Variants in TBC1D12 observed in about 807,000 individuals in gnomAD.
TBC1D12 encodes TBC1 domain family, member 12.
Under a neutral mutation model 86.7 loss-of-function variants are expected in TBC1D12, and 56 were observed. The ratio of observed to expected loss-of-function variants is 0.65; its 90% CI spans 0.52 to 0.81. The LOEUF (loss-of-function observed/expected upper bound fraction) is 0.81. Ranked by LOEUF, TBC1D12 falls within the 30% of genes least tolerant of loss-of-function variation. TBC1D12 has a pLI of 0.00. For missense variants in TBC1D12, 1,023 were observed against 1,038.8 expected, an observed-to-expected ratio of 0.98 and a Z score of 0.21; for synonymous variants, 421 against 411.7, an observed-to-expected ratio of 1.02 and a Z score of -0.27.
chr10:94,467,172 A>G (rs539559610), intron 2 of TBC1D12, among the ~76,000 whole-genome samples: 2 of 152,218 alleles, frequency 1.3e-5, no homozygotes, highest in East Asian at 3.9e-4. Flanking sequence ...TCAGTTTAGA[A>G]CTCAAATAAT....
chr10:94,532,029 C>G (rs575386456), intron 12 of TBC1D12, among the ~76,000 whole-genome samples: 1 of 150,582 alleles, frequency 6.6e-6, no homozygotes, highest in South Asian at 2.1e-4. Context: ...TACAGGTGCC[C>G]GCCACCACGC....
Position 94,503,580 on chromosome 10 carries a change from C to T in TBC1D12, c.1519+3253C>T, listed in dbSNP as rs1485396929. On this transcript the variant is annotated intron_variant, in intron 6 of 12. Transcript: ENST00000225235. ...ATGTATGATTTTAAAATTTGATTTT[C>T]ACAAGTCTCCTGTAATAAACATATT... 2.6e-5 allele frequency among the ~76,000 whole-genome samples: 4 copies of T among 152,102 alleles called. No homozygotes were observed. In the South Asian group the frequency reaches 8.3e-4, roughly 31 times the overall value.
chr10:94,527,823 GA>G (rs1842334302), intron 11 of TBC1D12, among the ~76,000 whole-genome samples: 1 of 152,100 alleles, frequency 6.6e-6, no homozygotes, highest in Admixed American at 6.6e-5. Context: ...ATTTATTGAA[GA>G]GACTGTCCTT....
At chr10:94,500,780 G>A (rs753264628) in intron 6 of TBC1D12, among the ~76,000 whole-genome samples, 1 of 152,088 alleles carries the variant, frequency 6.6e-6, no homozygotes, top group Admixed American at 6.5e-5. Flanking sequence ...TTTAGGCCGG[G>A]CGCAGTGGCT....
intron 2 of TBC1D12, among the ~76,000 whole-genome samples, chr10:94,471,011 C>T (rs1470856582): frequency 2.6e-5 from 4 of 152,136 alleles, no homozygotes. Flanking sequence ...TGCAGTGGCT[C>T]ATGCCTGCAG....
chr10:94,418,456 A>G (rs571528773), intron 1 of TBC1D12, among the ~76,000 whole-genome samples: 5 of 152,284 alleles, frequency 3.3e-5, no homozygotes, highest in African/African-American at 1.2e-4. Context: ...TTTGAAGAAA[A>G]TACCTTCTTT....
intron 2 of TBC1D12, among the ~76,000 whole-genome samples, chr10:94,449,162 T>C (rs2055513788): frequency 6.6e-6 from 1 of 152,216 alleles, no homozygotes; most frequent in Non-Finnish European, 1.5e-5. Flanking sequence ...GAAAGGGTTA[T>C]GTTTGAAAAT....
At chr10:94,474,429 G>A (rs1167927764) in intron 2 of TBC1D12, among the ~76,000 whole-genome samples, 2 of 151,720 alleles carry the variant, frequency 1.3e-5, no homozygotes, top group Non-Finnish European at 2.9e-5. Flanking sequence ...GTGAGCTCAA[G>A]TAATCCTGCC....
chr10:94,412,756 C>T (rs969437795), intron 1 of TBC1D12, among the ~76,000 whole-genome samples: 7 of 152,226 alleles, frequency 4.6e-5, no homozygotes, highest in Non-Finnish European at 7.3e-5. Context: ...TGCAGAAAGG[C>T]AAAGTGTGTC....
At chr10:94,476,179 C>G (rs1032716677) in intron 3 of TBC1D12, among the ~76,000 whole-genome samples, 1 of 151,536 alleles carries the variant, frequency 6.6e-6, no homozygotes, top group African/African-American at 2.4e-5. Context: ...TTTTCCTGAT[C>G]TGGACCTTTT....
intron 11 of TBC1D12, among the ~76,000 whole-genome samples, chr10:94,526,040 G>A (rs1648455517): frequency 6.6e-6 from 1 of 152,086 alleles, no homozygotes. Flanking sequence ...TTCCTCCTAT[G>A]TGGCTGTAAT....
At chr10:94,469,454 T>TC (rs1414033180) in intron 2 of TBC1D12, among the ~76,000 whole-genome samples, 1 of 145,414 alleles carries the variant, frequency 6.9e-6, no homozygotes, top group Non-Finnish European at 1.5e-5. Context: ...TTCCTTTTTT[T>TC]TTTTTTTTTT....
At chr10:94,459,883 C>T (rs1346584917) in intron 2 of TBC1D12, among the ~76,000 whole-genome samples, 9 of 152,172 alleles carry the variant, frequency 5.9e-5, no homozygotes, top group Non-Finnish European at 1.5e-5. Context: ...ACCTCTCACT[C>T]CACACCTCCT....
At chr10:94,445,307 C>G (rs1373326104) in intron 2 of TBC1D12, among the ~76,000 whole-genome samples, 1 of 151,752 alleles carries the variant, frequency 6.6e-6, no homozygotes, top group African/African-American at 2.4e-5. Flanking sequence ...TGCAGTGAGC[C>G]GACGTTGTGC....
At chr10:94,494,750 G>A (rs1412493590) in intron 4 of TBC1D12, among the ~76,000 whole-genome samples, 2 of 152,096 alleles carry the variant, frequency 1.3e-5, no homozygotes, top group Admixed American at 1.3e-4. Context: ...CGCCATATAG[G>A]CCAGGCTAGT....
At chr10:94,432,299 T>C (rs1292292225) in intron 1 of TBC1D12, among the ~76,000 whole-genome samples, 1 of 152,192 alleles carries the variant, frequency 6.6e-6, no homozygotes, top group African/African-American at 2.4e-5. Flanking sequence ...TTTTGGCCTA[T>C]TTATGTACCT....
chr10:94,463,649 A>T lies in TBC1D12; in HGVS notation c.1096-11019A>T, dbSNP rs116824090. On this transcript the variant is annotated intron_variant, in intron 2 of 12. Transcript: ENST00000225235. ...GACAAATATTCAAACCATAACAGTCAGACAATATATGTTATGCAATTTTAG... is the reference window on the plus strand; with the variant it reads ...GACAAATATTCAAACCATAACAGTCTGACAATATATGTTATGCAATTTTAG... Among the ~76,000 whole-genome samples, 1,162 of 152,350 alleles carry T rather than the reference A, an allele frequency of 7.6e-3. 16 individuals are homozygous for T. The highest frequency in any genetic ancestry group is 0.027 in the African/African-American group (1,111 of 41,584).
At chr10:94,404,275 C>T (rs2054819954) in intron 1 of TBC1D12, among the ~76,000 whole-genome samples, 1 of 152,156 alleles carries the variant, frequency 6.6e-6, no homozygotes, top group Non-Finnish European at 1.5e-5. Flanking sequence ...CCAGATAAGC[C>T]TCTCCTTTTT....
chr10:94,506,236 A>G (rs1019552865), intron 6 of TBC1D12, among the ~76,000 whole-genome samples: 2 of 151,978 alleles, frequency 1.3e-5, no homozygotes, highest in Admixed American at 1.3e-4. Context: ...ACAAGGTTTC[A>G]CCATGTTGGC....
Sources: gnomAD v4.1 joint callset for allele counts (sites outside exome capture counted in the v4.1 genomes callset) on GRCh38, gnomAD v4.1.1 for gene constraint, MANE v1.5 for transcripts, NCBI Gene and HGNC (gene_info 2026-07-23, HGNC 2026-07-21) for gene names.